The following NCOR1 variants were observed in gnomAD, a reference collection of about 807,000 sequenced individuals.
NCOR1 encodes protein phosphatase 1, regulatory subunit 109.
In NCOR1, 63 loss-of-function variants were observed where a neutral mutation model predicts 288.1. The ratio of observed to expected loss-of-function variants is 0.22; its 90% CI spans 0.18 to 0.27. The LOEUF is 0.27. NCOR1 is among the 10% of genes least tolerant of loss of function. NCOR1 has a pLI of 1.00. For synonymous variants in NCOR1, 1,007 were observed against 1,065.9 expected (o/e 0.94, Z 1.08); for missense variants, 2,397 against 3,019.2 (o/e 0.79, Z 4.83).
At position 16,039,511 on chromosome 17, in the gene NCOR1, C is replaced by A. The variant is rs1300285341; in HGVS notation, c.6877G>T (p.Val2293Leu). Residue 2293 changes from valine (V) to leucine (L), a missense_variant, in exon 44 of 46, where the codon GTG becomes TTG. Physicochemically the swap from Val to Leu is conservative, Grantham distance 32. Transcript: ENST00000268712. ...ACTGAGGTGTTGGCAGTACCAGGCA[C>A]TACTCCCATAGGCTGGGACATGACA... ...GVVMSQPMGVVPGTANTSVVT... is the reference protein window; with the variant it reads ...GVVMSQPMGVLPGTANTSVVT... 1 of 1,614,134 alleles carries A rather than the reference C, an allele frequency of 6.2e-7. No homozygotes were observed. Among genetic ancestry groups the A allele is most frequent in the South Asian group, 1.1e-5 (1 of 91,078 alleles).
At chr17:16,127,633 A>G (rs759357252) in intron 14 of NCOR1, among the ~76,000 whole-genome samples, 14 of 138,886 alleles carry the variant, frequency 1.0e-4, no homozygotes, top group African/African-American at 3.2e-4. Context: ...ATATACATAT[A>G]TGTATATATG....
chr17:16,117,804 AGAGT>A (rs2072022055), intron 18 of NCOR1, 80 bp downstream of exon 18: 2 of 1,394,680 alleles, frequency 1.4e-6, no homozygotes, highest in Non-Finnish European at 2.0e-6. Flanking sequence ...CCTGGGTGAT[AGAGT>A]GAGACTCCAT....
chr17:16,183,246 GAAA>G (rs1343137850), intron 3 of NCOR1, among the ~76,000 whole-genome samples: 2 of 110,658 alleles, frequency 1.8e-5, no homozygotes, highest in Non-Finnish European at 1.9e-5. Flanking sequence ...AAAAAAAAAA[GAAA>G]AGAAAAAAAA....
Position 16,101,570 on chromosome 17 carries a change from A to G in NCOR1, c.2370T>C (p.Ala790=), listed in dbSNP as rs2152996622. ...CTACATCCATCTGCTCTGCTGTCTC[A>G]GCACTGATGCTGTCATTCACCTGGG... The part of the protein sequence containing the change: ...VETQVNDSIS[A]ETAEQMDVDQ... The change falls in exon 20 of 46, where the codon GCT becomes GCC. Residue 790 remains alanine, a synonymous_variant. Transcript: ENST00000268712. 3 of 1,614,186 alleles carry G rather than the reference A, an allele frequency of 1.9e-6. No homozygotes were observed. Among genetic ancestry groups the G allele is most frequent in the South Asian group, 1.1e-5 (1 of 91,080 alleles).
At chr17:16,081,698 TTG>T (rs1488893274) in intron 23 of NCOR1, among the ~76,000 whole-genome samples, 7 of 152,162 alleles carry the variant, frequency 4.6e-5, no homozygotes, top group African/African-American at 1.7e-4. Flanking sequence ...AGGTGCAGAC[TTG>T]TCAAAAACAA....
Position 16,127,293 on chromosome 17 carries a change from GTATGTATGTATATATACATGTATGTATA to G in NCOR1, c.1510-1115_1510-1088del, listed in dbSNP as rs755106945. ...TGTATGTATATATACGTGTATATAT[GTATGTATGTATATATACATGTATGTATA>G]TATGTATGTATATATACATGTATGT... is the stretch of plus-strand genomic sequence containing the variant. On this transcript the variant is annotated intron_variant, in intron 14 of 45. Coordinates refer to ENST00000268712, the MANE Select transcript of NCOR1 (RefSeq NM_006311.4). Among the ~76,000 whole-genome samples, 242 of 61,370 alleles carry G rather than the reference GTATGTATGTATATATACATGTATGTATA, an allele frequency of 3.9e-3. 13 individuals are homozygous for G. The highest frequency in any genetic ancestry group is 5.1e-3 in the Non-Finnish European group (144 of 28,470). The allele number at this position is 61,370 out of a possible 152,430, so 40.3% of individuals were successfully genotyped here.
intron 18 of NCOR1, among the ~76,000 whole-genome samples, chr17:16,115,021 G>A (rs977435938): frequency 2.6e-5 from 4 of 152,086 alleles, no homozygotes; most frequent in African/African-American, 7.2e-5. Context: ...TGAACATCCA[G>A]GCGTTTCCAT....
intron 3 of NCOR1, among the ~76,000 whole-genome samples, chr17:16,180,106 T>C (rs1166231155): frequency 6.6e-6 from 1 of 151,908 alleles, no homozygotes; most frequent in Non-Finnish European, 1.5e-5. Context: ...ATCAATGGGA[T>C]ATATCATATT....
chr17:16,183,050 A>C (rs1243687482), intron 3 of NCOR1, among the ~76,000 whole-genome samples: 1 of 151,984 alleles, frequency 6.6e-6, no homozygotes, highest in African/African-American at 2.4e-5. Flanking sequence ...AATAAAGGCC[A>C]TTTGTGAAAA....
chr17:16,205,052 C>G (rs1339641008), intron 1 of NCOR1, among the ~76,000 whole-genome samples: 6 of 152,094 alleles, frequency 3.9e-5, no homozygotes, highest in Admixed American at 6.5e-5. Context: ...GAAACCCCAT[C>G]TGTAGTAAAA....
intron 14 of NCOR1, among the ~76,000 whole-genome samples, chr17:16,128,355 T>C (rs2075075350): frequency 1.3e-5 from 2 of 152,220 alleles, no homozygotes; most frequent in Admixed American, 1.3e-4. Flanking sequence ...AGAGGAACTC[T>C]GGGGCCATGT....
chr17:16,045,696 G>C (rs1341059232), intron 42 of NCOR1, among the ~76,000 whole-genome samples: 2 of 152,050 alleles, frequency 1.3e-5, no homozygotes, highest in African/African-American at 2.4e-5. Flanking sequence ...AGTAGAGACA[G>C]GGTTTCACCA....
intron 14 of NCOR1, among the ~76,000 whole-genome samples, chr17:16,126,605 ACTAT>A (rs1221264070): frequency 6.6e-6 from 1 of 152,092 alleles, no homozygotes; most frequent in East Asian, 1.9e-4. Flanking sequence ...TTTTTTCATC[ACTAT>A]CTATAATGCT....
intron 31 of NCOR1, among the ~76,000 whole-genome samples, chr17:16,069,262 T>C (rs985710890): frequency 6.6e-6 from 1 of 151,966 alleles, no homozygotes; most frequent in African/African-American, 2.4e-5. Context: ...AAATATGGAG[T>C]GCCCTTCCCT....
At chr17:16,043,133 G>A (rs1368242673) in intron 42 of NCOR1, among the ~76,000 whole-genome samples, 2 of 152,176 alleles carry the variant, frequency 1.3e-5, no homozygotes, top group African/African-American at 4.8e-5. Flanking sequence ...AAGCATTTCA[G>A]GAAAGGAAAG....
chr17:16,117,975 C>G lies in NCOR1; in HGVS notation c.1968G>C (p.Thr656=). 6.2e-7 allele frequency: 1 copy of G among 1,613,924 alleles called. No individual in the cohort carries two copies. The highest frequency in any genetic ancestry group is 1.3e-5 in the African/African-American group (1 of 75,030). ...AGTTTTTACATTGAGCTTCACTTTT[C>G]GTTCCCACCATTTTAGCAATTGCTG... ...NWAAIAKMVG[T]KSEAQCKNFY... is the part of the protein sequence containing the mutation. Residue 656 remains threonine, a synonymous_variant, in exon 18 of 46, where the codon ACG becomes ACC. Transcript: ENST00000268712.
At chr17:16,137,713 A>T (rs2076617135) in intron 13 of NCOR1, 1 of 231,212 alleles carries the variant, frequency 4.3e-6, no homozygotes, top group Non-Finnish European at 8.2e-6. Flanking sequence ...CATACATGCA[A>T]ATTTTTAAAA....
chr17:16,146,311 T>A (rs543689890), intron 10 of NCOR1, 65 bp downstream of exon 10: 86 of 1,463,276 alleles, frequency 5.9e-5, no homozygotes, highest in East Asian at 1.4e-4. Flanking sequence ...AAAAAATTTT[T>A]AAAAAAAAGA....
intron 14 of NCOR1, among the ~76,000 whole-genome samples, chr17:16,127,107 GTGTATATGTATATATCTGTA>G (rs967722819): frequency 1.1e-5 from 1 of 94,952 alleles, no homozygotes; most frequent in African/African-American, 3.8e-5. Flanking sequence ...AGGTGTGTGT[GTGTATATGTATATATCTGTA>G]TGTATATATA....
Sources: gnomAD v4.1 joint callset for allele counts (sites outside exome capture counted in the v4.1 genomes callset) on GRCh38, gnomAD v4.1.1 for gene constraint, MANE v1.5 for transcripts, NCBI Gene and HGNC (gene_info 2026-07-23, HGNC 2026-07-21) for gene names.